Variants in MPP7 observed in about 807,000 individuals in gnomAD.
MPP7 encodes MAGUK p55 scaffold protein 7, also known as MAGUK p55 subfamily member 7.
In MPP7, 60 loss-of-function variants were observed where a neutral mutation model predicts 76.5. The ratio of observed to expected loss-of-function variants is 0.78; its 90% CI spans 0.64 to 0.97. The LOEUF is 0.97. Among genes scored for constraint, MPP7 ranks in the 50% least tolerant of loss-of-function variants. The probability of loss-of-function intolerance (pLI) is 0.00; values close to 1 mark genes in which losing one functional copy is unlikely to be tolerated. For missense variants in MPP7, 641 were observed against 694.0 expected (o/e 0.92, Z 0.86); for synonymous variants, 237 against 244.5 (o/e 0.97, Z 0.29).
At chr10:28,321,021 A>C (rs570885041) in intron 2 of MPP7, among the ~76,000 whole-genome samples, 11 of 152,098 alleles carry the variant, frequency 7.2e-5, no homozygotes, top group Admixed American at 7.2e-4. Flanking sequence ...GTGCTTGGAG[A>C]AGCTTCCTCC....
intron 12 of MPP7, among the ~76,000 whole-genome samples, chr10:28,077,027 T>C (rs1211478044): frequency 4.7e-5 from 7 of 148,552 alleles, no homozygotes; most frequent in Non-Finnish European, 3.0e-5. Context: ...TGAGATACTT[T>C]GCCAAGTGAG....
At chr10:28,130,343 G>C (rs1186073237) in intron 6 of MPP7, among the ~76,000 whole-genome samples, 1 of 152,098 alleles carries the variant, frequency 6.6e-6, no homozygotes, top group Non-Finnish European at 1.5e-5. Flanking sequence ...TTGCTCTATA[G>C]GATACAGGGC....
intron 2 of MPP7, among the ~76,000 whole-genome samples, chr10:28,309,285 G>A (rs555593602): frequency 1.3e-5 from 2 of 151,786 alleles, no homozygotes; most frequent in African/African-American, 4.8e-5. Flanking sequence ...GTGGTGGCAG[G>A]TGCCTGTAGT....
At chr10:28,262,674 T>C (rs1840029975) in intron 1 of MPP7, among the ~76,000 whole-genome samples, 1 of 152,190 alleles carries the variant, frequency 6.6e-6, no homozygotes, top group Non-Finnish European at 1.5e-5. Context: ...TCTAAACAGG[T>C]TGTACATTCA....
At chr10:28,167,266 G>T (rs1044041323) in intron 3 of MPP7, among the ~76,000 whole-genome samples, 1 of 151,108 alleles carries the variant, frequency 6.6e-6, no homozygotes, top group African/African-American at 2.4e-5. Context: ...AGCCGAGACG[G>T]CACCACTGCA....
chr10:28,184,482 G>A (rs1837163822), intron 3 of MPP7, among the ~76,000 whole-genome samples: 1 of 149,346 alleles, frequency 6.7e-6, no homozygotes, highest in Non-Finnish European at 1.5e-5. Context: ...GCCGAGGTGG[G>A]CAGATCACTT....
chr10:28,244,658 T>C (rs1223944343), intron 1 of MPP7, among the ~76,000 whole-genome samples: 2 of 152,150 alleles, frequency 1.3e-5, no homozygotes, highest in African/African-American at 4.8e-5. Flanking sequence ...AAAAGAATCC[T>C]ATAAACCTTT....
At chr10:28,240,882 A>T (rs1459740802) in intron 1 of MPP7, among the ~76,000 whole-genome samples, 1 of 152,150 alleles carries the variant, frequency 6.6e-6, no homozygotes, top group Non-Finnish European at 1.5e-5. Flanking sequence ...AATTTCTAAA[A>T]TGTCTGCAGA....
intron 3 of MPP7, among the ~76,000 whole-genome samples, chr10:28,171,997 G>A (rs190461751): frequency 6.6e-6 from 1 of 152,256 alleles, no homozygotes; most frequent in Non-Finnish European, 1.5e-5. Flanking sequence ...ACTGAATAAT[G>A]TTGCCAAAGC....
Position 28,058,663 on chromosome 10 carries a change from GATAAA to G in MPP7, c.1299-65_1299-61del, listed in dbSNP as rs573069300. 1.4e-4 allele frequency: 132 copies of G among 924,232 alleles called. No homozygotes were observed. In the African/African-American group the frequency reaches 2.0e-3, roughly 14 times the overall value. 57.3% of individuals were successfully genotyped at this position (924,232 alleles called of 1,614,324 possible). A position where few individuals can be genotyped will look rare whatever the true frequency, so the allele number is the denominator to read the frequency against. On this transcript the variant is annotated intron_variant, in intron 14 of 16. Transcript: ENST00000683449. Reference sequence around the variant, plus strand: ...AATTTAAAACAATTATAGGTGGCAAGATAAAATTCATAGGTAAAAGACGTTTCTGC... The same window carrying G: ...AATTTAAAACAATTATAGGTGGCAAGATTCATAGGTAAAAGACGTTTCTGC...
chr10:28,262,256 TATGTATATATATATATA>T (rs1840007536), intron 1 of MPP7, among the ~76,000 whole-genome samples: 1 of 34,450 alleles, frequency 2.9e-5, no homozygotes, highest in African/African-American at 1.4e-4. Flanking sequence ...TATATATATA[TATGTATATATATATATA>T]TATATTTTTT....
intron 1 of MPP7, among the ~76,000 whole-genome samples, chr10:28,288,804 G>T (rs543074995): frequency 1.3e-4 from 20 of 152,244 alleles, no homozygotes; most frequent in Admixed American, 8.5e-4. Context: ...AACGCTAAAA[G>T]TTGGAAGCTC....
intron 1 of MPP7, among the ~76,000 whole-genome samples, chr10:28,270,834 G>C (rs1034869684): frequency 6.6e-6 from 1 of 152,154 alleles, no homozygotes; most frequent in Admixed American, 6.5e-5. Flanking sequence ...TCTTTCTGAA[G>C]ACCACGGTTC....
Position 28,140,397 on chromosome 10 carries a change from G to A in MPP7, c.315+7086C>T, listed in dbSNP as rs192299600. The stretch of plus-strand genomic sequence containing the variant: ...CGGGTGGCATGTGCCTGTAATCCCA[G>A]CTACTTGGGAGGCTGAGGCAGGAGA... On this transcript the variant is annotated intron_variant, in intron 5 of 16. Transcript: ENST00000683449. Among the ~76,000 whole-genome samples, 87 of 152,246 alleles carry A rather than the reference G, an allele frequency of 5.7e-4. 1 individual carries two copies. Among genetic ancestry groups the A allele is most frequent in the Non-Finnish European group, 9.1e-4 (62 of 68,022 alleles).
At chr10:28,196,377 G>A (rs928805857) in intron 3 of MPP7, among the ~76,000 whole-genome samples, 26 of 151,694 alleles carry the variant, frequency 1.7e-4, no homozygotes, top group Admixed American at 1.7e-3. Flanking sequence ...CTACACGGGA[G>A]GCTGAGGCAG....
intron 7 of MPP7, among the ~76,000 whole-genome samples, 156 bp downstream of exon 7, chr10:28,124,854 T>A (rs529184711): frequency 3.9e-5 from 6 of 152,294 alleles, no homozygotes; most frequent in African/African-American, 1.4e-4. Context: ...TATCATTTAT[T>A]TAAATAGGCT....
At chr10:28,097,093 G>A (rs1017932310) in intron 11 of MPP7, among the ~76,000 whole-genome samples, 5 of 152,024 alleles carry the variant, frequency 3.3e-5, no homozygotes, top group East Asian at 1.9e-4. Flanking sequence ...GGGCTCCAGC[G>A]ATCCTCCCAC....
At chr10:28,211,555 A>C (rs1284102804) in intron 2 of MPP7, among the ~76,000 whole-genome samples, 1 of 152,028 alleles carries the variant, frequency 6.6e-6, no homozygotes, top group East Asian at 1.9e-4. Flanking sequence ...CAGGCAGGTG[A>C]GTTGACCAAG....
chr10:28,220,847 TAAA>T (rs1351628641), intron 2 of MPP7, among the ~76,000 whole-genome samples: 2 of 152,082 alleles, frequency 1.3e-5, no homozygotes, highest in African/African-American at 4.8e-5. Context: ...GACAAAAGCA[TAAA>T]AAACATCAAG....
Sources: allele counts gnomAD v4.1 joint callset (sites outside exome capture counted in the v4.1 genomes callset), GRCh38; gene constraint gnomAD v4.1.1; transcripts MANE v1.5; gene names NCBI Gene and HGNC (gene_info 2026-07-23, HGNC 2026-07-21).